The following FADS2 variants were observed in gnomAD, a reference collection of about 807,000 sequenced individuals.
FADS2 encodes fatty acid desaturase 2, also known as acyl-CoA 6-desaturase.
FADS2 carries 18 observed loss-of-function variants against 61.2 expected under a neutral mutation model. The observed-to-expected ratio is 0.29, with a 90% CI of 0.20 to 0.44. FADS2 has a LOEUF of 0.44. Ranked by LOEUF, FADS2 falls within the 20% of genes least tolerant of loss-of-function variation. FADS2 has a pLI of 1.00. For missense variants in FADS2, 322 were observed against 572.7 expected, an observed-to-expected ratio of 0.56 and a Z score of 4.47; for synonymous variants, 203 against 223.9, an observed-to-expected ratio of 0.91 and a Z score of 0.83.
chr11:61,850,816 C>G (rs1401823148), intron 5 of FADS2, among the ~76,000 whole-genome samples: 1 of 152,142 alleles, frequency 6.6e-6, no homozygotes, highest in Non-Finnish European at 1.5e-5. Flanking sequence ...CCAATTTTCC[C>G]TCACTAAGGA....
In FADS2 at chr11:61,816,895, G is replaced by GGCAGACCGGCGGGCCTCGCAGC. The variant is rs1483660548; in HGVS notation, c.141+472_141+493dup. On this transcript the variant is annotated intron_variant, in intron 1 of 11. Coordinates refer to the FADS2 transcript ENST00000257261. The surrounding 1 kb of genome is among the most constrained non-coding windows in gnomAD (Gnocchi z 7.0). ...GCGCGCCGGGTTTTCAGCACCGCAG[G>GGCAGACCGGCGGGCCTCGCAGC]GCAGACCGGCGGGCCTCGCAGCGCG... 7.0e-7 allele frequency: 1 copy of GGCAGACCGGCGGGCCTCGCAGC among 1,432,148 alleles called. No individual in the cohort carries two copies. The highest frequency in any genetic ancestry group is 9.0e-7 in the Non-Finnish European group (1 of 1,105,234). The allele number at this position is 1,432,148 out of a possible 1,614,324, so 88.7% of individuals were successfully genotyped here.
intron 1 of FADS2, among the ~76,000 whole-genome samples, chr11:61,821,973 CT>C (rs1179863779): frequency 2.2e-3 from 313 of 143,438 alleles, no homozygotes; most frequent in Middle Eastern, 3.5e-3. Context: ...TTAATGCAGT[CT>C]TTTTTTTTTT....
chr11:61,862,639 G>C (rs1158633897), intron 7 of FADS2: 1 of 326,938 alleles, frequency 3.1e-6, no homozygotes, highest in Non-Finnish European at 5.8e-6. Context: ...CCCGGGTTGG[G>C]GGCGCACCTT....
chr11:61,832,104 T>G (rs2067135951), intron 1 of FADS2, among the ~76,000 whole-genome samples: 2 of 152,174 alleles, frequency 1.3e-5, no homozygotes, highest in Non-Finnish European at 2.9e-5. Flanking sequence ...ATCTGGACCC[T>G]CTGCCTCTAG....
chr11:61,850,500 C>T (rs1443078824), intron 5 of FADS2, among the ~76,000 whole-genome samples: 7 of 152,156 alleles, frequency 4.6e-5, no homozygotes, highest in African/African-American at 7.2e-5. Flanking sequence ...CCGCCCACCT[C>T]GCCCTCCCAA....
chr11:61,865,365 C>T lies in FADS2; in HGVS notation c.1283+88C>T. The T allele has an allele frequency of 6.8e-7, 1 of 1,478,466 alleles. No individual in the cohort carries two copies. The highest frequency in any genetic ancestry group is 9.2e-7 in the Non-Finnish European group (1 of 1,091,686). 91.6% of individuals were successfully genotyped at this position (1,478,466 alleles called of 1,614,324 possible). On this transcript the variant is annotated intron_variant, in intron 11 of 11. Coordinates refer to ENST00000278840, the MANE Select transcript of FADS2 (RefSeq NM_004265.4). This position sits in a 1 kb window ranked among gnomAD's most constrained non-coding sequence, Gnocchi z 4.1. The stretch of plus-strand genomic sequence containing the variant: ...CACAAGAGGGGCTGGGCCCTCCTGG[C>T]ACAGTCACCCACCAGGGCACCTGCC...
intron 5 of FADS2, among the ~76,000 whole-genome samples, chr11:61,850,616 C>CTT (rs147128667): frequency 6.6e-6 from 1 of 151,504 alleles, no homozygotes; most frequent in African/African-American, 2.4e-5. Flanking sequence ...TTAATACATT[C>CTT]TTTTTTTTTA....
intron 1 of FADS2, 144 bp from the exon 2 acceptor site, chr11:61,837,634 C>T (rs754471790): frequency 7.5e-5 from 47 of 623,186 alleles, no homozygotes; most frequent in African/African-American, 2.9e-4. Flanking sequence ...ATGCTGGAGA[C>T]GGCATTTGGG....
chr11:61,823,463 C>T (rs1180885446), upstream of FADS2, among the ~76,000 whole-genome samples: 2 of 152,142 alleles, frequency 1.3e-5, no homozygotes, highest in South Asian at 2.1e-4. Context: ...AAAGTTTTAC[C>T]TAACATACCA....
Position 61,816,708 on chromosome 11 carries a change from C to T in FADS2, c.141+282C>T. The T allele has an allele frequency of 6.3e-7, 1 of 1,575,862 alleles. No individual in the cohort carries two copies. The highest frequency in any genetic ancestry group is 1.3e-5 in the African/African-American group (1 of 74,372). On this transcript the variant is annotated intron_variant, in intron 1 of 11. Transcript: ENST00000257261. This position sits in a 1 kb window ranked among gnomAD's most constrained non-coding sequence, Gnocchi z 7.0. ...CCACCTCGTCCCAGGTGAAGTAGCGCGGGGTAGGTCCCTGAGCCGCGGTCT... is the reference window on the plus strand; with the variant it reads ...CCACCTCGTCCCAGGTGAAGTAGCGTGGGGTAGGTCCCTGAGCCGCGGTCT...
chr11:61,819,633 G>T (rs924458519), intron 1 of FADS2, among the ~76,000 whole-genome samples: 1 of 152,120 alleles, frequency 6.6e-6, no homozygotes, highest in Non-Finnish European at 1.5e-5. Flanking sequence ...CACTCTAAAT[G>T]CCCATCAGTG....
intron 4 of FADS2, among the ~76,000 whole-genome samples, chr11:61,844,182 A>G (rs1405988585): frequency 2.0e-5 from 3 of 152,264 alleles, no homozygotes; most frequent in African/African-American, 7.2e-5. Flanking sequence ...ATTAAAAGTC[A>G]TAACATTCTA....
At chr11:61,827,048 C>T (rs1486166188), upstream of FADS2, among the ~76,000 whole-genome samples, 1 of 152,176 alleles carries the variant, frequency 6.6e-6, no homozygotes, top group Non-Finnish European at 1.5e-5. This position sits in a 1 kb window ranked among gnomAD's most constrained non-coding sequence, Gnocchi z 4.5. Context: ...TAGTGATTCC[C>T]AAGCCTCGTG....
chr11:61,818,738 A>G (rs1354915584), intron 1 of FADS2, among the ~76,000 whole-genome samples: 1 of 152,248 alleles, frequency 6.6e-6, no homozygotes, highest in South Asian at 2.1e-4. Flanking sequence ...GTATTAAATA[A>G]CAGAAGAGAG....
rs567421915 is a variant in FADS2 at position 61,828,330 on chromosome 11, T to G, written c.-61T>G. ...ACACCGGCTGGGAGGCAGCCGTCTGTGCAGCGAGCAGCCGGCGCGGGGAGG... is the reference window on the plus strand; with the variant it reads ...ACACCGGCTGGGAGGCAGCCGTCTGGGCAGCGAGCAGCCGGCGCGGGGAGG... On this transcript the variant is annotated 5_prime_UTR_variant, in exon 1 of 12. Transcript: ENST00000278840. The surrounding 1 kb of genome is among the most constrained non-coding windows in gnomAD (Gnocchi z 6.4). 1.3e-6 allele frequency: 2 copies of G among 1,535,366 alleles called. No homozygotes were observed. The highest frequency in any genetic ancestry group is 2.5e-5 in the East Asian group (1 of 40,750).
intron 4 of FADS2, chr11:61,846,551 C>T (rs17156442): frequency 0.1 from 15,700 of 151,944 alleles, 1,494 homozygotes; most frequent in African/African-American, 0.24. Flanking sequence ...ACTGTGTGTG[C>T]CAAAAGCATC....
chr11:61,860,746 C>T (rs555961242), intron 7 of FADS2, among the ~76,000 whole-genome samples: 2 of 152,036 alleles, frequency 1.3e-5, no homozygotes, highest in Non-Finnish European at 2.9e-5. Context: ...ATGGGCGAAA[C>T]CCTGTCTCTA....
intron 1 of FADS2, chr11:61,821,377 A>G (rs911864809): frequency 1.7e-4 from 118 of 701,268 alleles, no homozygotes; most frequent in Non-Finnish European, 3.0e-4. Flanking sequence ...TTTTCTCTCT[A>G]AAGAAAAGAA....
rs1189002431 is a variant in FADS2 at position 61,863,078 on chromosome 11, G to A, written c.980+9G>A. 5 of 1,611,166 alleles carry A rather than the reference G, an allele frequency of 3.1e-6. No homozygotes were observed. The African/African-American group carries it at 6.7e-5, about 22-fold the overall frequency. On this transcript the variant is annotated intron_variant, in intron 8 of 11. Transcript: ENST00000278840. Reference sequence around the variant, plus strand: ...TTCCTCAACTTCATCAGGTGCCTGGGCTTTGCTGATTCATCCCTGGGCCCT... The same window carrying A: ...TTCCTCAACTTCATCAGGTGCCTGGACTTTGCTGATTCATCCCTGGGCCCT...
Sources: allele counts gnomAD v4.1 joint callset (sites outside exome capture counted in the v4.1 genomes callset), GRCh38; gene constraint gnomAD v4.1.1; non-coding constraint Gnocchi (gnomAD v3.1); transcripts MANE v1.5; gene names NCBI Gene and HGNC (gene_info 2026-07-23, HGNC 2026-07-21).